IMMP1L: variants seen among roughly 807,000 people sequenced by gnomAD.
IMMP1L encodes the protein inner mitochondrial membrane peptidase subunit 1.
A neutral mutation model predicts 21.8 loss-of-function variants in IMMP1L; 24 were observed. That is an observed-to-expected ratio of 1.10 (90% CI 0.80 to 1.55). The LOEUF is 1.55. Ranked by LOEUF, IMMP1L falls within the 40% of genes most tolerant of loss-of-function variation. The pLI, the probability that IMMP1L is intolerant of heterozygous loss-of-function variation, is 0.00. For missense variants in IMMP1L, 195 were observed against 200.7 expected (o/e 0.97, Z 0.17); for synonymous variants, 46 against 62.8 (o/e 0.73, Z 1.26).
intron 4 of IMMP1L, among the ~76,000 whole-genome samples, chr11:31,439,540 AT>A (rs1289639101): frequency 6.6e-6 from 1 of 152,102 alleles, no homozygotes; most frequent in Non-Finnish European, 1.5e-5. Flanking sequence ...TTCTGGGTCT[AT>A]TTAACTGATT....
At chr11:31,436,005 G>T (rs1401409882) in intron 4 of IMMP1L, among the ~76,000 whole-genome samples, 1 of 151,402 alleles carries the variant, frequency 6.6e-6, no homozygotes, top group Non-Finnish European at 1.5e-5. Flanking sequence ...TTGATTGTTG[G>T]CAGTGTCAAA....
chr11:31,438,599 A>G (rs1440449677), intron 4 of IMMP1L, among the ~76,000 whole-genome samples: 3 of 152,098 alleles, frequency 2.0e-5, no homozygotes, highest in Non-Finnish European at 4.4e-5. Context: ...GATTATGAAC[A>G]TATTATACTA....
Position 31,443,612 on chromosome 11 carries a change from G to A in IMMP1L, c.322-10042C>T, listed in dbSNP as rs1273623313. On this transcript the variant is annotated intron_variant, in intron 4 of 5. Transcript: ENST00000532287. ...ATAGAAGTGTTTCCAAATGCTAGAT[G>A]CATAATAAAGGGATTGTAGAGACCA... 3.9e-5 allele frequency among the ~76,000 whole-genome samples: 6 copies of A among 152,162 alleles called. No individual in the cohort carries two copies. The East Asian group carries it at 9.6e-4, about 24-fold the overall frequency.
chr11:31,461,023 C>T lies in IMMP1L; in HGVS notation c.106-309G>A, dbSNP rs138597314. 3.0e-3 allele frequency among the ~76,000 whole-genome samples: 452 copies of T among 152,256 alleles called. 2 individuals carry two copies. Among genetic ancestry groups the T allele is most frequent in the African/African-American group, 0.01 (416 of 41,558 alleles). On this transcript the variant is annotated intron_variant, in intron 2 of 5. Coordinates refer to ENST00000532287, the MANE Select transcript of IMMP1L (RefSeq NM_001304274.2). Reference sequence around the variant, plus strand: ...CAGTTCTATGAAGGCAGAGATCTCTCTCATGTTCCTAGCTATATAACCAAA... The same window carrying T: ...CAGTTCTATGAAGGCAGAGATCTCTTTCATGTTCCTAGCTATATAACCAAA...
rs78089452 is a variant in IMMP1L at position 31,474,341 on chromosome 11, A to C, written c.-29-11036T>G. Among the ~76,000 whole-genome samples the C allele has an allele frequency of 7.2e-3, 1,100 of 152,270 alleles. 63 individuals are homozygous for C. The East Asian group carries it at 0.16, about 22-fold the overall frequency. ...CAATAGCTAAATAATTCACTCTCAA[A>C]CAGCAGAGTCTCCATCAAAGTAATT... On this transcript the variant is annotated intron_variant, in intron 1 of 5. Transcript: ENST00000532287.
intron 1 of IMMP1L, among the ~76,000 whole-genome samples, chr11:31,501,696 G>C (rs954222368): frequency 6.6e-6 from 1 of 152,108 alleles, no homozygotes; most frequent in African/African-American, 2.4e-5. Context: ...GCTCATGCCT[G>C]TAATCCCAGC....
At chr11:31,475,424 T>C (rs535762398) in intron 1 of IMMP1L, among the ~76,000 whole-genome samples, 1 of 152,264 alleles carries the variant, frequency 6.6e-6, no homozygotes, top group Admixed American at 6.5e-5. Context: ...TGTGCCACAG[T>C]TCATGAACGG....
At chr11:31,473,361 C>T (rs1954631978) in intron 1 of IMMP1L, among the ~76,000 whole-genome samples, 1 of 152,022 alleles carries the variant, frequency 6.6e-6, no homozygotes, top group African/African-American at 2.4e-5. Flanking sequence ...TTTGATATCT[C>T]ATTTTACAGA....
chr11:31,476,478 A>C (rs981452944), intron 1 of IMMP1L, among the ~76,000 whole-genome samples: 1 of 152,094 alleles, frequency 6.6e-6, no homozygotes, highest in African/African-American at 2.4e-5. Context: ...GTGGTAGTAC[A>C]TTAATGGTGT....
intron 1 of IMMP1L, among the ~76,000 whole-genome samples, chr11:31,503,242 T>C (rs1955677641): frequency 6.6e-6 from 1 of 152,092 alleles, no homozygotes; most frequent in African/African-American, 2.4e-5. Context: ...AAACATAAAA[T>C]GCCATAAGTT....
intron 4 of IMMP1L, among the ~76,000 whole-genome samples, chr11:31,453,599 A>AG (rs1160425928): frequency 6.6e-6 from 1 of 152,232 alleles, no homozygotes; most frequent in African/African-American, 2.4e-5. Context: ...CTATGTTTTC[A>AG]GAGCACTCCA....
intron 4 of IMMP1L, among the ~76,000 whole-genome samples, chr11:31,447,907 T>C (rs1033016516): frequency 2.6e-5 from 4 of 152,204 alleles, no homozygotes; most frequent in Non-Finnish European, 4.4e-5. Context: ...TGTCAAATTT[T>C]AATTACCCAA....
At chr11:31,468,130 G>C (rs1208804911) in intron 1 of IMMP1L, among the ~76,000 whole-genome samples, 1 of 152,062 alleles carries the variant, frequency 6.6e-6, no homozygotes, top group East Asian at 1.9e-4. Context: ...ATGAAATCTT[G>C]AATTGGATCC....
intron 1 of IMMP1L, among the ~76,000 whole-genome samples, chr11:31,483,298 T>C (rs930798320): frequency 1.3e-5 from 2 of 152,012 alleles, no homozygotes; most frequent in Non-Finnish European, 1.5e-5. Context: ...GTGTGCACTT[T>C]CCTGTATGTG....
rs943396206 is a variant in IMMP1L, at chr11:31,460,487, T to A, written c.194+139A>T. ...CTCAAACTGAAAGAGAATATTTGAC[T>A]CAAAATTTTATCTAGCTGGTTATTA... On this transcript the variant is annotated intron_variant, in intron 3 of 5. Coordinates refer to ENST00000532287, the MANE Select transcript of IMMP1L (RefSeq NM_001304274.2). 6.8e-6 allele frequency: 4 copies of A among 585,058 alleles called. No individual in the cohort carries two copies. In the African/African-American group the frequency reaches 7.5e-5, roughly 11 times the overall value. The allele number at this position is 585,058 out of a possible 1,614,324, so 36.2% of individuals were successfully genotyped here.
intron 4 of IMMP1L, chr11:31,452,137 G>A: frequency 1.4e-6 from 1 of 739,014 alleles, no homozygotes; most frequent in African/African-American, 1.9e-5. Context: ...ATGAAGCTCA[G>A]AGTGGAGTAA....
chr11:31,480,539 A>G (rs1330536678), intron 1 of IMMP1L, among the ~76,000 whole-genome samples: 1 of 152,032 alleles, frequency 6.6e-6, no homozygotes, highest in African/African-American at 2.4e-5. Flanking sequence ...TTAAGGTACT[A>G]ACTCATTTTA....
chr11:31,473,251 A>G (rs1183911988), intron 1 of IMMP1L, among the ~76,000 whole-genome samples: 2 of 151,970 alleles, frequency 1.3e-5, no homozygotes, highest in Non-Finnish European at 2.9e-5. Flanking sequence ...GGATTTCACC[A>G]TGTTAGCCAG....
chr11:31,444,466 A>G (rs1034500448), intron 4 of IMMP1L, among the ~76,000 whole-genome samples: 2 of 152,206 alleles, frequency 1.3e-5, no homozygotes, highest in Admixed American at 6.5e-5. Context: ...TGAATCCAAT[A>G]TAATTAAAAA....
Sources: allele counts gnomAD v4.1 joint callset (sites outside exome capture counted in the v4.1 genomes callset), GRCh38; gene constraint gnomAD v4.1.1; transcripts MANE v1.5; gene names NCBI Gene and HGNC (gene_info 2026-07-23, HGNC 2026-07-21).